The following MBNL2 variants were observed in gnomAD, a reference collection of about 807,000 sequenced individuals.
MBNL2 encodes the protein muscleblind like splicing regulator 2.
A neutral mutation model predicts 41.9 loss-of-function variants in MBNL2; 17 were observed. That is an observed-to-expected ratio of 0.41 (90% confidence interval 0.28 to 0.61). The LOEUF (loss-of-function observed/expected upper bound fraction) is 0.61. Ranked by LOEUF, MBNL2 falls within the 20% of genes least tolerant of loss-of-function variation. The probability of loss-of-function intolerance (pLI) is 0.35; values close to 1 mark genes in which losing one functional copy is unlikely to be tolerated. For missense variants in MBNL2, 336 were observed against 505.6 expected (o/e 0.66, Z 3.22); for synonymous variants, 195 against 182.9 (o/e 1.07, Z -0.53).
intron 2 of MBNL2, among the ~76,000 whole-genome samples, chr13:97,291,297 AG>A (rs2055904149): frequency 6.6e-6 from 1 of 152,048 alleles, no homozygotes; most frequent in African/African-American, 2.4e-5. Flanking sequence ...GCTGGAGTGC[AG>A]TGGTGCAGTC....
At chr13:97,236,977 T>TG (rs2043398434) in intron 1 of MBNL2, among the ~76,000 whole-genome samples, 1 of 152,080 alleles carries the variant, frequency 6.6e-6, no homozygotes, top group South Asian at 2.1e-4. Flanking sequence ...AGGAAGAGTG[T>TG]GGGGACAGCA....
chr13:97,184,060 T>C, the MBNL2 span, among the ~76,000 whole-genome samples: 40 of 152,310 alleles, frequency 2.6e-4, no homozygotes, highest in Admixed American at 6.5e-4. Context: ...CATTAGAAAC[T>C]ATCTGATCCA....
Position 97,268,354 on chromosome 13 carries a change from G to A in MBNL2, c.-604-7278G>A, listed in dbSNP as rs769222493. 2.6e-5 allele frequency among the ~76,000 whole-genome samples: 4 copies of A among 152,010 alleles called. No individual in the cohort carries two copies. Among genetic ancestry groups the A allele is most frequent in the Non-Finnish European group, 5.9e-5 (4 of 67,992 alleles). On this transcript the variant is annotated intron_variant, in intron 1 of 8. Transcript: ENST00000679496. The surrounding 1 kb of genome is among the most constrained non-coding windows in gnomAD (Gnocchi z 4.6). ...TGACTTCAAATGATCCATCTGCCTC[G>A]GCCTCCCAAACGCTGGGATTACAGG... is the stretch of plus-strand genomic sequence containing the variant.
chr13:97,178,606 C>T, the MBNL2 span, among the ~76,000 whole-genome samples: 184 of 152,218 alleles, frequency 1.2e-3, no homozygotes, highest in African/African-American at 4.3e-3. Context: ...CTTAGAAATA[C>T]AATAGTAAGC....
At chr13:97,295,449 A>G (rs971640197) in intron 2 of MBNL2, among the ~76,000 whole-genome samples, 1 of 152,182 alleles carries the variant, frequency 6.6e-6, no homozygotes, top group African/African-American at 2.4e-5. Context: ...TTGGTTGCCT[A>G]GCAACCATTA....
At chr13:97,328,483 A>C (rs2060101598) in intron 2 of MBNL2, among the ~76,000 whole-genome samples, 1 of 152,216 alleles carries the variant, frequency 6.6e-6, no homozygotes, top group Non-Finnish European at 1.5e-5. Flanking sequence ...TTGCTTGAAA[A>C]TATCATCATG....
intron 1 of MBNL2, among the ~76,000 whole-genome samples, chr13:97,227,212 A>C (rs1241427391): frequency 2.0e-5 from 3 of 152,160 alleles, no homozygotes; most frequent in African/African-American, 7.2e-5. Context: ...CTGAGAGAGG[A>C]GGCTGAGGAT....
the MBNL2 span, among the ~76,000 whole-genome samples, chr13:97,172,116 G>A: frequency 9.9e-5 from 15 of 152,192 alleles, no homozygotes; most frequent in Non-Finnish European, 1.9e-4. Flanking sequence ...ATTTCAAGAT[G>A]AGGGTGAAGA....
At chr13:97,152,073 AAG>A in the MBNL2 span, among the ~76,000 whole-genome samples, 4 of 152,232 alleles carry the variant, frequency 2.6e-5, no homozygotes, top group Non-Finnish European at 4.4e-5. Context: ...GAAATTAAAA[AAG>A]ACAATGCAGT....
chr13:97,214,983 C>A, the MBNL2 span, among the ~76,000 whole-genome samples: 2 of 152,252 alleles, frequency 1.3e-5, no homozygotes, highest in Non-Finnish European at 2.9e-5. Flanking sequence ...CCAGGCCCAT[C>A]AACTGTGGGC....
chr13:97,299,880 G>A (rs905132706), intron 2 of MBNL2, among the ~76,000 whole-genome samples: 1 of 152,122 alleles, frequency 6.6e-6, no homozygotes, highest in African/African-American at 2.4e-5. Flanking sequence ...TGTAATAAGA[G>A]ACCCAACAAT....
the MBNL2 span, among the ~76,000 whole-genome samples, chr13:97,166,312 A>G: frequency 6.6e-6 from 1 of 152,242 alleles, no homozygotes; most frequent in African/African-American, 2.4e-5. Context: ...ACAGTAGTGG[A>G]TCCCCTTTAT....
At chr13:97,362,523 T>A (rs747665115) in intron 7 of MBNL2, among the ~76,000 whole-genome samples, 21 of 152,150 alleles carry the variant, frequency 1.4e-4, no homozygotes, top group Non-Finnish European at 1.9e-4. Flanking sequence ...ATAGGGCAAA[T>A]GTGTAATGTG....
chr13:97,324,497 G>A (rs535705625), intron 2 of MBNL2, among the ~76,000 whole-genome samples: 5 of 152,290 alleles, frequency 3.3e-5, no homozygotes, highest in African/African-American at 1.2e-4. Context: ...ATTAATGAAT[G>A]TGGTATCAAA....
the MBNL2 span, among the ~76,000 whole-genome samples, chr13:97,198,559 G>A: frequency 6.6e-6 from 1 of 151,098 alleles, no homozygotes; most frequent in East Asian, 1.9e-4. Context: ...TATTAATTCT[G>A]TTTCTCTGAA....
At chr13:97,171,995 G>A in the MBNL2 span, among the ~76,000 whole-genome samples, 3 of 152,202 alleles carry the variant, frequency 2.0e-5, no homozygotes, top group Admixed American at 6.5e-5. Context: ...ACGTGGAACT[G>A]TGAGTCCATT....
At chr13:97,318,113 C>T (rs1185979700) in intron 2 of MBNL2, among the ~76,000 whole-genome samples, 1 of 152,192 alleles carries the variant, frequency 6.6e-6, no homozygotes, top group Non-Finnish European at 1.5e-5. Flanking sequence ...AGTTATCTAA[C>T]CTCTCTGTGC....
At chr13:97,240,524 G>A (rs894154702) in intron 1 of MBNL2, among the ~76,000 whole-genome samples, 1 of 152,144 alleles carries the variant, frequency 6.6e-6, no homozygotes. Context: ...ACCAATGAAT[G>A]CTATAGACCC....
chr13:97,218,550 G>C (rs550263345), upstream of MBNL2, among the ~76,000 whole-genome samples: 11 of 151,770 alleles, frequency 7.2e-5, no homozygotes, highest in Non-Finnish European at 1.3e-4. Flanking sequence ...AAATTCGAAG[G>C]TACTGTTTTG....
Sources: allele counts gnomAD v4.1 joint callset (sites outside exome capture counted in the v4.1 genomes callset), GRCh38; gene constraint gnomAD v4.1.1; non-coding constraint Gnocchi (gnomAD v3.1); transcripts MANE v1.5; gene names NCBI Gene and HGNC (gene_info 2026-07-23, HGNC 2026-07-21).